RAB5A: variants seen among roughly 807,000 people sequenced by gnomAD.
RAB5A encodes ras-related protein Rab-5A.
Under a neutral mutation model 25.7 loss-of-function variants are expected in RAB5A, and 8 were observed. The observed-to-expected ratio is 0.31, with a 90% CI of 0.18 to 0.56. RAB5A has a LOEUF of 0.56. Among genes scored for constraint, RAB5A ranks in the 20% least tolerant of loss-of-function variants. RAB5A has a pLI of 0.91. For synonymous variants in RAB5A, 98 were observed against 89.8 expected (o/e 1.09, Z -0.52); for missense variants, 192 against 259.7 (o/e 0.74, Z 1.79).
chr3:19,969,401 A>G (rs1696712273), intron 2 of RAB5A, among the ~76,000 whole-genome samples: 2 of 152,170 alleles, frequency 1.3e-5, no homozygotes, highest in African/African-American at 4.8e-5. Flanking sequence ...GACTATGTGG[A>G]TGATTTCATT....
intron 2 of RAB5A, among the ~76,000 whole-genome samples, chr3:19,966,074 T>G (rs1275075642): frequency 6.6e-6 from 1 of 152,194 alleles, no homozygotes; most frequent in Non-Finnish European, 1.5e-5. Flanking sequence ...ACACAAAATT[T>G]ACCATTTTAA....
chr3:19,977,693 A>G (rs1482529711), intron 4 of RAB5A, among the ~76,000 whole-genome samples: 1 of 152,166 alleles, frequency 6.6e-6, no homozygotes, highest in African/African-American at 2.4e-5. Flanking sequence ...GTTCAGAGGA[A>G]CCTCAGTTGT....
intron 2 of RAB5A, chr3:19,951,263 C>G: frequency 1.9e-6 from 1 of 520,930 alleles, no homozygotes; most frequent in Non-Finnish European, 3.3e-6. Context: ...TGGTTAATCC[C>G]TTGTGGTTAT....
In RAB5A at chr3:19,976,135, C is replaced by G. The variant is rs550288787; in HGVS notation, c.404C>G (p.Ala135Gly). ...NIVIALSGNK[A>G]DLANKRAVDF... ...GTAATAGCTTTATCGGGAAACAAGGCCGACCTAGCAAATAAAAGAGCAGTA... is the reference window on the plus strand; with the variant it reads ...GTAATAGCTTTATCGGGAAACAAGGGCGACCTAGCAAATAAAAGAGCAGTA... The change falls in exon 4 of 6, where the codon GCC becomes GGC. Residue 135 changes from alanine to glycine, a missense_variant. Ala to Gly is a moderately conservative substitution (Grantham distance 60). Coordinates refer to ENST00000273047, the MANE Select transcript of RAB5A (RefSeq NM_004162.5). 1.2e-6 allele frequency: 2 copies of G among 1,611,242 alleles called. No homozygotes were observed. The highest frequency in any genetic ancestry group is 1.3e-5 in the African/African-American group (1 of 74,890).
intron 5 of RAB5A, chr3:19,980,297 G>T (rs1696899223): frequency 6.6e-6 from 1 of 152,116 alleles, no homozygotes; most frequent in Non-Finnish European, 1.5e-5. Flanking sequence ...ATTCAAACAT[G>T]CTAATAAAGT....
chr3:19,947,381 T>C lies in RAB5A; in HGVS notation c.-234T>C, dbSNP rs565563133. The C allele has an allele frequency of 2.8e-3, 441 of 159,438 alleles. 1 individual carries two copies. Among genetic ancestry groups the C allele is most frequent in the Middle Eastern group, 0.013 (4 of 312 alleles). 9.9% of individuals were successfully genotyped at this position (159,438 alleles called of 1,614,324 possible). A position where few individuals can be genotyped will look rare whatever the true frequency, so the allele number is the denominator to read the frequency against. ...ACGGCACGAGCCCCGCACAGTCCAG[T>C]GTGAGGGGAGCGGCGCTAAGAGCAG... On this transcript the variant is annotated 5_prime_UTR_variant, in exon 1 of 6. Coordinates refer to ENST00000273047, the MANE Select transcript of RAB5A (RefSeq NM_004162.5).
intron 2 of RAB5A, among the ~76,000 whole-genome samples, chr3:19,968,676 G>C (rs1011962777): frequency 6.6e-6 from 1 of 152,088 alleles, no homozygotes; most frequent in Non-Finnish European, 1.5e-5. Flanking sequence ...GGCCAGGCTG[G>C]TCTCAAACTC....
At chr3:19,965,533 G>A (rs1696649024) in intron 2 of RAB5A, among the ~76,000 whole-genome samples, 1 of 148,420 alleles carries the variant, frequency 6.7e-6, no homozygotes, top group African/African-American at 2.4e-5. Context: ...AAGGGTTGCT[G>A]TCAAGCTGTG....
At chr3:19,975,975 G>A (rs188486486) in intron 3 of RAB5A, 72 bp from the exon 4 acceptor site, 3 of 1,541,926 alleles carry the variant, frequency 1.9e-6, no homozygotes, top group African/African-American at 2.8e-5. Flanking sequence ...GTCTTTTAAA[G>A]CCTTGTATCA....
chr3:19,965,007 T>C (rs1696641007), intron 2 of RAB5A, among the ~76,000 whole-genome samples: 1 of 152,204 alleles, frequency 6.6e-6, no homozygotes, highest in Admixed American at 6.5e-5. Context: ...CTCAGCTCAC[T>C]GCAACATCTG....
At chr3:19,963,363 C>A (rs1696615437) in intron 2 of RAB5A, among the ~76,000 whole-genome samples, 2 of 28,474 alleles carry the variant, frequency 7.0e-5, no homozygotes, top group Non-Finnish European at 1.4e-4. Context: ...CTTAGAATTT[C>A]ACCCCCCCCC....
chr3:19,984,372 G>T lies in RAB5A; in HGVS notation c.*549G>T, dbSNP rs1696992282. On this transcript the variant is annotated 3_prime_UTR_variant, in exon 6 of 6. Coordinates refer to ENST00000273047, the MANE Select transcript of RAB5A (RefSeq NM_004162.5). Reference sequence around the variant, plus strand: ...TAATCCCACATATACAAGGTCAGGGGTGGGGAAGAGTATTAATGGTATCTT... The same window carrying T: ...TAATCCCACATATACAAGGTCAGGGTTGGGGAAGAGTATTAATGGTATCTT... 1.2e-5 allele frequency: 4 copies of T among 347,568 alleles called. No individual in the cohort carries two copies. In the East Asian group the frequency reaches 2.8e-4, roughly 25 times the overall value. The allele number at this position is 347,568 out of a possible 1,614,324, so 21.5% of individuals were successfully genotyped here.
In RAB5A at chr3:19,971,128, C is replaced by T. The variant is rs189528017; in HGVS notation, c.164-4473C>T. ...AGGAGAATCACTCGAACCCAGGAAG[C>T]GGAGGTTTCAGTGAGCCGAGATCGC... On this transcript the variant is annotated intron_variant, in intron 2 of 5. Coordinates refer to ENST00000273047, the MANE Select transcript of RAB5A (RefSeq NM_004162.5). 6.8e-3 allele frequency among the ~76,000 whole-genome samples: 958 copies of T among 139,910 alleles called. 7 individuals carry two copies. Among genetic ancestry groups the T allele is most frequent in the African/African-American group, 0.024 (888 of 36,580 alleles). 91.8% of individuals were successfully genotyped at this position (139,910 alleles called of 152,430 possible). A position where few individuals can be genotyped will look rare whatever the true frequency, so the allele number is the denominator to read the frequency against.
rs1229119406 is a variant in RAB5A at position 19,984,061 on chromosome 3, A to G, written c.*238A>G. Reference sequence around the variant, plus strand: ...TGAGAACTATGTGGACACTTGTTTCATTGGAAGGTTAGGGGGAATAATTTC... The same window carrying G: ...TGAGAACTATGTGGACACTTGTTTCGTTGGAAGGTTAGGGGGAATAATTTC... On this transcript the variant is annotated 3_prime_UTR_variant, in exon 6 of 6. Coordinates refer to ENST00000273047, the MANE Select transcript of RAB5A (RefSeq NM_004162.5). 4 of 456,394 alleles carry G rather than the reference A, an allele frequency of 8.8e-6. 1 individual carries two copies. Among genetic ancestry groups the G allele is most frequent in the South Asian group, 4.4e-5 (2 of 45,660 alleles). The allele number at this position is 456,394 out of a possible 1,614,324, so 28.3% of individuals were successfully genotyped here. A position where few individuals can be genotyped will look rare whatever the true frequency, so the allele number is the denominator to read the frequency against.
intron 2 of RAB5A, among the ~76,000 whole-genome samples, chr3:19,975,091 T>C (rs542978380): frequency 1.1e-4 from 17 of 152,132 alleles, no homozygotes; most frequent in African/African-American, 3.6e-4. Flanking sequence ...CCACGTGTGG[T>C]GGTGCATGCC....
At chr3:19,974,660 C>T (rs185786753) in intron 2 of RAB5A, among the ~76,000 whole-genome samples, 2 of 147,728 alleles carry the variant, frequency 1.4e-5, no homozygotes, top group Non-Finnish European at 3.0e-5. Context: ...TGGCTCACGC[C>T]TATAATCTCA....
chr3:19,981,434 C>T (rs1259440554), intron 5 of RAB5A, among the ~76,000 whole-genome samples: 7 of 151,850 alleles, frequency 4.6e-5, no homozygotes, highest in African/African-American at 1.5e-4. Flanking sequence ...GCCAACATGT[C>T]GAAACCCCGT....
intron 2 of RAB5A, among the ~76,000 whole-genome samples, chr3:19,957,822 A>G (rs980026305): frequency 2.0e-5 from 3 of 152,106 alleles, no homozygotes; most frequent in Non-Finnish European, 4.4e-5. Context: ...TCAAAACATC[A>G]TGTTAATATA....
At chr3:19,964,202 C>G (rs1224246719) in intron 2 of RAB5A, among the ~76,000 whole-genome samples, 1 of 152,050 alleles carries the variant, frequency 6.6e-6, no homozygotes, top group Non-Finnish European at 1.5e-5. Flanking sequence ...AGTAAAGTAT[C>G]TGTTGCCTAT....
Sources: gnomAD v4.1 joint callset for allele counts (sites outside exome capture counted in the v4.1 genomes callset) on GRCh38, gnomAD v4.1.1 for gene constraint, MANE v1.5 for transcripts, NCBI Gene and HGNC (gene_info 2026-07-23, HGNC 2026-07-21) for gene names.